NTM: variants seen among roughly 807,000 people sequenced by gnomAD.
NTM encodes the protein neurotrimin.
NTM carries 13 observed loss-of-function variants against 42.1 expected under a neutral mutation model. The ratio of observed to expected loss-of-function variants is 0.31; its 90% confidence interval spans 0.20 to 0.49. NTM has a LOEUF of 0.49. NTM is among the 20% of genes least tolerant of loss of function. The pLI, the probability that NTM is intolerant of heterozygous loss-of-function variation, is 0.99. For missense variants in NTM, 373 were observed against 452.8 expected, an observed-to-expected ratio of 0.82 and a Z score of 1.60; for synonymous variants, 187 against 179.2, an observed-to-expected ratio of 1.04 and a Z score of -0.35.
At chr11:132,163,001 T>C (rs1591930861) in intron 3 of NTM, among the ~76,000 whole-genome samples, 1 of 125,518 alleles carries the variant, frequency 8.0e-6, no homozygotes, top group Non-Finnish European at 2.0e-5. Flanking sequence ...AACTCTCCCC[T>C]GGTCCACCCC....
intron 3 of NTM, among the ~76,000 whole-genome samples, chr11:132,205,399 G>A (rs2081842096): frequency 6.6e-6 from 1 of 152,188 alleles, no homozygotes; most frequent in Non-Finnish European, 1.5e-5. Flanking sequence ...GGCAGTGGAA[G>A]CTAAACCAAG....
intron 1 of NTM, among the ~76,000 whole-genome samples, chr11:131,546,399 G>C (rs1252319279): frequency 1.3e-5 from 2 of 152,152 alleles, no homozygotes; most frequent in Non-Finnish European, 2.9e-5. Flanking sequence ...CCACTGTCCT[G>C]TTTCCCTGGC....
chr11:131,422,140 T>G (rs1296682713), intron 1 of NTM, among the ~76,000 whole-genome samples: 3 of 152,230 alleles, frequency 2.0e-5, no homozygotes, highest in Non-Finnish European at 4.4e-5. Flanking sequence ...GTGTGGTTTA[T>G]TTTGTCTGAG....
intron 1 of NTM, among the ~76,000 whole-genome samples, chr11:131,880,484 G>A (rs2049289344): frequency 6.6e-6 from 1 of 152,214 alleles, no homozygotes; most frequent in Non-Finnish European, 1.5e-5. Flanking sequence ...TTAAAGCTGA[G>A]GAAGAGAAAG....
chr11:131,647,777 C>T (rs1359863215), intron 1 of NTM, among the ~76,000 whole-genome samples: 1 of 151,962 alleles, frequency 6.6e-6, no homozygotes, highest in African/African-American at 2.4e-5. Flanking sequence ...TTTTCAGGGA[C>T]CCAAAACAGA....
intron 1 of NTM, among the ~76,000 whole-genome samples, chr11:131,694,780 A>G (rs1008555543): frequency 6.6e-6 from 1 of 152,208 alleles, no homozygotes; most frequent in Non-Finnish European, 1.5e-5. Context: ...AAGGGCATAA[A>G]GGCTTTTAAA....
intron 6 of NTM, among the ~76,000 whole-genome samples, chr11:132,310,966 T>C (rs1297728541): frequency 1.3e-5 from 2 of 152,158 alleles, no homozygotes; most frequent in African/African-American, 4.8e-5. Context: ...GGGCAAGAGC[T>C]GCCTGTGTTC....
chr11:131,752,174 G>A (rs1198515466), intron 1 of NTM, among the ~76,000 whole-genome samples: 6 of 152,168 alleles, frequency 3.9e-5, no homozygotes, highest in Admixed American at 3.9e-4. Flanking sequence ...AATGGAAAAT[G>A]CTAGAACCAC....
chr11:132,209,896 A>G (rs1226002029), intron 3 of NTM, among the ~76,000 whole-genome samples: 1 of 152,250 alleles, frequency 6.6e-6, no homozygotes, highest in Non-Finnish European at 1.5e-5. Context: ...AATTGGGTGG[A>G]TGCAGGACAT....
intron 1 of NTM, among the ~76,000 whole-genome samples, chr11:131,756,364 A>C (rs1386681105): frequency 6.6e-6 from 1 of 152,060 alleles, no homozygotes; most frequent in Admixed American, 6.6e-5. Flanking sequence ...CAAGAGGACC[A>C]CTTGAGCCCG....
chr11:131,615,680 C>G (rs922388478), intron 1 of NTM, among the ~76,000 whole-genome samples: 5 of 152,304 alleles, frequency 3.3e-5, no homozygotes, highest in African/African-American at 9.6e-5. Context: ...GTAGCAAGTT[C>G]TTAATGAACA....
At chr11:132,178,740 A>G (rs765957416) in intron 3 of NTM, among the ~76,000 whole-genome samples, 4 of 152,206 alleles carry the variant, frequency 2.6e-5, no homozygotes, top group Admixed American at 6.5e-5. Context: ...CCAAGAATGC[A>G]TGATGAAGGT....
At chr11:132,325,165 C>A (rs1033295262) in intron 7 of NTM, among the ~76,000 whole-genome samples, 2 of 152,164 alleles carry the variant, frequency 1.3e-5, no homozygotes, top group Admixed American at 1.3e-4. Flanking sequence ...CCAAAACTGA[C>A]AAATAGGATC....
chr11:132,057,145 G>T (rs1314508463), intron 2 of NTM, among the ~76,000 whole-genome samples: 2 of 152,152 alleles, frequency 1.3e-5, no homozygotes, highest in East Asian at 1.9e-4. Flanking sequence ...CCTCAATCGG[G>T]TGCTTATCAT....
At chr11:132,313,922 C>A (rs751724090) in intron 6 of NTM, among the ~76,000 whole-genome samples, 1 of 152,096 alleles carries the variant, frequency 6.6e-6, no homozygotes, top group Non-Finnish European at 1.5e-5. Context: ...CCAGACTAAT[C>A]CTCTATAACA....
At chr11:132,086,619 G>T (rs917761899) in intron 2 of NTM, among the ~76,000 whole-genome samples, 1 of 152,108 alleles carries the variant, frequency 6.6e-6, no homozygotes, top group African/African-American at 2.4e-5. Flanking sequence ...CAATTAAGAC[G>T]CTAAAAGCAC....
chr11:131,374,577 G>A (rs967429672), intron 1 of NTM, among the ~76,000 whole-genome samples: 2 of 152,180 alleles, frequency 1.3e-5, no homozygotes, highest in Non-Finnish European at 2.9e-5. Context: ...GTCCTGCGTA[G>A]TGTCTTCAGG....
chr11:132,104,972 T>C (rs1188527789), intron 2 of NTM, among the ~76,000 whole-genome samples: 1 of 121,602 alleles, frequency 8.2e-6, no homozygotes, highest in Non-Finnish European at 1.7e-5. Context: ...TATATATATA[T>C]ATATATATAT....
chr11:131,497,405 T>A (rs185585514), intron 1 of NTM, among the ~76,000 whole-genome samples: 14 of 152,196 alleles, frequency 9.2e-5, no homozygotes, highest in Admixed American at 8.5e-4. Flanking sequence ...CCCAGGCTGG[T>A]CTTGAACTCC....
Sources: allele counts gnomAD v4.1 joint callset (sites outside exome capture counted in the v4.1 genomes callset), GRCh38; gene constraint gnomAD v4.1.1; transcripts MANE v1.5; gene names NCBI Gene and HGNC (gene_info 2026-07-23, HGNC 2026-07-21).